ENTREP2: variants seen among roughly 807,000 people sequenced by gnomAD.
ENTREP2 encodes protein ENTREP2.
chr15:29,269,682 C>G, the ENTREP2 span: 1 of 1,554,552 alleles, frequency 6.4e-7, no homozygotes. Flanking sequence ...CAGAGCGGCC[C>G]CGGTTCCTCG....
chr15:29,425,401 T>C, the ENTREP2 span, among the ~76,000 whole-genome samples: 2 of 152,198 alleles, frequency 1.3e-5, no homozygotes, highest in African/African-American at 4.8e-5. Context: ...TGCATTCTAT[T>C]TGATCATACG....
the ENTREP2 span, among the ~76,000 whole-genome samples, chr15:29,203,525 G>T: frequency 1.3e-5 from 2 of 152,032 alleles, no homozygotes; most frequent in African/African-American, 2.4e-5. Flanking sequence ...TGTGGTTTTT[G>T]ATTTGCATTT....
chr15:29,622,229 T>G, the ENTREP2 span, among the ~76,000 whole-genome samples: 14 of 152,170 alleles, frequency 9.2e-5, no homozygotes, highest in Non-Finnish European at 2.1e-4. Flanking sequence ...TATTTTGAGA[T>G]GGAGTCTAGC....
At chr15:29,580,105 C>T in the ENTREP2 span, among the ~76,000 whole-genome samples, 1,151 of 152,134 alleles carry the variant, frequency 7.6e-3, 18 homozygotes, top group African/African-American at 0.027. Flanking sequence ...TCTCAGCCTC[C>T]CAAAATGCGG....
the ENTREP2 span, among the ~76,000 whole-genome samples, chr15:29,527,516 T>C: frequency 6.6e-6 from 1 of 152,206 alleles, no homozygotes; most frequent in Non-Finnish European, 1.5e-5. Context: ...CCTTCTCATC[T>C]TCCCCACTGA....
At chr15:29,318,526 T>A in the ENTREP2 span, among the ~76,000 whole-genome samples, 1 of 152,136 alleles carries the variant, frequency 6.6e-6, no homozygotes, top group South Asian at 2.1e-4. Flanking sequence ...TTCACCGTGT[T>A]AGCCAGGATG....
chr15:29,343,455 A>C, the ENTREP2 span, among the ~76,000 whole-genome samples: 1 of 151,940 alleles, frequency 6.6e-6, no homozygotes, highest in Non-Finnish European at 1.5e-5. Context: ...CAGAATTCAG[A>C]CTCACAAATG....
chr15:29,214,693 A>T, the ENTREP2 span, among the ~76,000 whole-genome samples: 113 of 149,232 alleles, frequency 7.6e-4, no homozygotes, highest in Non-Finnish European at 1.4e-3. Context: ...ATAATAATAA[A>T]AAAAAAAAAT....
the ENTREP2 span, among the ~76,000 whole-genome samples, chr15:29,245,095 G>C: frequency 6.6e-6 from 1 of 152,166 alleles, no homozygotes; most frequent in Non-Finnish European, 1.5e-5. Flanking sequence ...CAAAGATTCA[G>C]GTGTACATTC....
At chr15:29,458,504 C>A in the ENTREP2 span, among the ~76,000 whole-genome samples, 3 of 152,106 alleles carry the variant, frequency 2.0e-5, no homozygotes, top group Admixed American at 1.3e-4. Flanking sequence ...AGCCCCCTAC[C>A]CAATCCCTCC....
the ENTREP2 span, among the ~76,000 whole-genome samples, chr15:29,493,128 T>C: frequency 1.9e-3 from 153 of 82,288 alleles, 9 homozygotes; most frequent in African/African-American, 6.8e-3. Flanking sequence ...GACAACCCTT[T>C]TTTTTTTTTT....
At chr15:29,151,689 A>G in the ENTREP2 span, 1 of 1,450,238 alleles carries the variant, frequency 6.9e-7, no homozygotes, top group Admixed American at 2.0e-5. Context: ...CCACTCCTAC[A>G]CTGGTTTCAA....
At chr15:29,507,708 G>A in the ENTREP2 span, among the ~76,000 whole-genome samples, 7 of 152,278 alleles carry the variant, frequency 4.6e-5, no homozygotes, top group South Asian at 1.4e-3. Context: ...AAACCAATGA[G>A]AACAAAGACA....
chr15:29,357,453 AC>A, the ENTREP2 span, among the ~76,000 whole-genome samples: 4 of 152,168 alleles, frequency 2.6e-5, no homozygotes, highest in Non-Finnish European at 5.9e-5. Flanking sequence ...AGTATAAATA[AC>A]TTTTATAAAT....
the ENTREP2 span, among the ~76,000 whole-genome samples, chr15:29,506,226 G>T: frequency 1.3e-5 from 2 of 151,654 alleles, no homozygotes; most frequent in Admixed American, 1.3e-4. Context: ...AGAATGAAAA[G>T]GAGCAAAGCC....
the ENTREP2 span, among the ~76,000 whole-genome samples, chr15:29,323,327 C>T: frequency 1.3e-5 from 2 of 152,136 alleles, no homozygotes; most frequent in African/African-American, 4.8e-5. Flanking sequence ...CATGCCTACA[C>T]AATGAAGCCT....
chr15:29,642,292 A>G, the ENTREP2 span, among the ~76,000 whole-genome samples: 11 of 152,048 alleles, frequency 7.2e-5, no homozygotes, highest in African/African-American at 2.7e-4. Flanking sequence ...GGATAGATAT[A>G]TAGATCAGTG....
At chr15:29,398,814 G>A in the ENTREP2 span, among the ~76,000 whole-genome samples, 1 of 151,268 alleles carries the variant, frequency 6.6e-6, no homozygotes, top group Non-Finnish European at 1.5e-5. Flanking sequence ...CCACTCCCTG[G>A]TGTACCTGCC....
chr15:29,535,702 C>T, the ENTREP2 span, among the ~76,000 whole-genome samples: 1 of 152,158 alleles, frequency 6.6e-6, no homozygotes, highest in Admixed American at 6.5e-5. Flanking sequence ...AAACAAACTA[C>T]CCAAAAAGTT....
Sources: gnomAD v4.1 joint callset for allele counts (sites outside exome capture counted in the v4.1 genomes callset) on GRCh38, gnomAD v4.1.1 for gene constraint, MANE v1.5 for transcripts, NCBI Gene and HGNC (gene_info 2026-07-23, HGNC 2026-07-21) for gene names.